Variants in MDGA2 observed in about 807,000 individuals in gnomAD.
MDGA2 encodes MAM domain containing glycosylphosphatidylinositol anchor 2.
Under a neutral mutation model 117.8 loss-of-function variants are expected in MDGA2, and 40 were observed. That is an observed-to-expected ratio of 0.34 (90% CI 0.26 to 0.44). The LOEUF (loss-of-function observed/expected upper bound fraction) is 0.44. Ranked by LOEUF, MDGA2 falls within the 20% of genes least tolerant of loss-of-function variation. The probability of loss-of-function intolerance (pLI) is 1.00; values close to 1 mark genes in which losing one functional copy is unlikely to be tolerated. For missense variants in MDGA2, 1,123 were observed against 1,250.6 expected (o/e 0.90, Z 1.54); for synonymous variants, 452 against 439.0 (o/e 1.03, Z -0.37).
At chr14:47,436,096 A>C (rs1048915309) in intron 1 of MDGA2, among the ~76,000 whole-genome samples, 1 of 152,078 alleles carries the variant, frequency 6.6e-6, no homozygotes, top group Non-Finnish European at 1.5e-5. Context: ...AGTAAAGTCC[A>C]TAGGTTATAG....
intron 1 of MDGA2, among the ~76,000 whole-genome samples, chr14:47,409,626 T>C (rs1242186430): frequency 1.3e-5 from 2 of 152,204 alleles, no homozygotes; most frequent in African/African-American, 4.8e-5. Flanking sequence ...AGAAGAGTTA[T>C]CTTTTATGAC....
At chr14:47,453,646 GA>G in intron 1 of MDGA2, among the ~76,000 whole-genome samples, 1 of 152,192 alleles carries the variant, frequency 6.6e-6, no homozygotes, top group Admixed American at 6.5e-5. Flanking sequence ...TACAAGGTTT[GA>G]AATCTCATAA....
At chr14:47,128,979 G>A (rs1051489770) in intron 5 of MDGA2, among the ~76,000 whole-genome samples, 10 of 151,946 alleles carry the variant, frequency 6.6e-5, no homozygotes, top group African/African-American at 7.3e-5. Context: ...GTGAGCCACC[G>A]TGCCCAGCCT....
At chr14:47,275,331 A>C (rs563925614) in intron 2 of MDGA2, among the ~76,000 whole-genome samples, 6 of 152,294 alleles carry the variant, frequency 3.9e-5, no homozygotes, top group African/African-American at 1.4e-4. Context: ...TAGATTTTCT[A>C]ATGTACGATG....
At chr14:47,242,680 C>T (rs1258515179) in intron 2 of MDGA2, among the ~76,000 whole-genome samples, 7 of 151,798 alleles carry the variant, frequency 4.6e-5, no homozygotes, top group South Asian at 2.1e-4. Flanking sequence ...TGCCTTCCCG[C>T]AGGGCAGTGC....
chr14:47,232,132 C>A (rs1357455759), intron 2 of MDGA2, among the ~76,000 whole-genome samples: 3 of 152,010 alleles, frequency 2.0e-5, no homozygotes, highest in Admixed American at 6.6e-5. Context: ...TCTAAGCTTG[C>A]AGACAGAGTT....
At chr14:47,347,236 C>G (rs1260781784) in intron 1 of MDGA2, among the ~76,000 whole-genome samples, 2 of 152,062 alleles carry the variant, frequency 1.3e-5, no homozygotes, top group African/African-American at 2.4e-5. Flanking sequence ...ATTCTAAAAG[C>G]AATCACACGT....
chr14:47,447,144 T>C (rs1443159852), intron 1 of MDGA2, among the ~76,000 whole-genome samples: 1 of 152,186 alleles, frequency 6.6e-6, no homozygotes, highest in East Asian at 1.9e-4. Context: ...ACATGCTAAA[T>C]ATCACCATTT....
chr14:46,929,089 T>C (rs1218477589), intron 9 of MDGA2, among the ~76,000 whole-genome samples: 2 of 152,198 alleles, frequency 1.3e-5, no homozygotes, highest in Non-Finnish European at 2.9e-5. Context: ...TTTCAGGATG[T>C]TACAGTTTGC....
intron 8 of MDGA2, among the ~76,000 whole-genome samples, chr14:47,009,856 T>A (rs1051595152): frequency 1.3e-5 from 2 of 152,080 alleles, no homozygotes; most frequent in Admixed American, 1.3e-4. Context: ...GCCTTTTCTA[T>A]CTTTAATTTT....
chr14:47,527,707 C>G (rs1426185192), intron 1 of MDGA2, among the ~76,000 whole-genome samples: 2 of 152,198 alleles, frequency 1.3e-5, no homozygotes, highest in African/African-American at 4.8e-5. Flanking sequence ...TAGAAATACC[C>G]TCTGCATTTG....
chr14:47,536,017 G>A (rs1293807052), intron 1 of MDGA2, among the ~76,000 whole-genome samples: 1 of 152,198 alleles, frequency 6.6e-6, no homozygotes, highest in Non-Finnish European at 1.5e-5. Context: ...GCAGAACCCA[G>A]GAGGGCAAGC....
At chr14:47,498,461 A>G (rs1207872228) in intron 1 of MDGA2, among the ~76,000 whole-genome samples, 1 of 152,132 alleles carries the variant, frequency 6.6e-6, no homozygotes, top group Non-Finnish European at 1.5e-5. Context: ...TTTTGCTGTT[A>G]GACTGTGCTA....
chr14:46,910,499 CA>C (rs141448142), intron 10 of MDGA2, among the ~76,000 whole-genome samples: 1,633 of 152,162 alleles, frequency 0.011, 34 homozygotes, highest in African/African-American at 0.037. Context: ...TAATAAGAGC[CA>C]TCTATGACAA....
chr14:47,320,676 T>C (rs1193781806), intron 1 of MDGA2, among the ~76,000 whole-genome samples: 1 of 152,106 alleles, frequency 6.6e-6, no homozygotes, highest in Non-Finnish European at 1.5e-5. Flanking sequence ...CAAATACTAA[T>C]AAAGAGAAAC....
intron 7 of MDGA2, among the ~76,000 whole-genome samples, chr14:47,057,010 T>C (rs551632836): frequency 3.2e-4 from 48 of 152,204 alleles, no homozygotes; most frequent in Admixed American, 1.4e-3. Context: ...TCTAGCCAGA[T>C]AAAATATAGC....
At chr14:47,623,447 T>A (rs145485173) in intron 1 of MDGA2, among the ~76,000 whole-genome samples, 221 of 152,318 alleles carry the variant, frequency 1.5e-3, no homozygotes, top group East Asian at 7.9e-3. Flanking sequence ...TAGATTTTTT[T>A]AAAAAATTAG....
chr14:47,165,297 C>A (rs1272115812), intron 3 of MDGA2, among the ~76,000 whole-genome samples: 1 of 152,096 alleles, frequency 6.6e-6, no homozygotes, highest in East Asian at 1.9e-4. Context: ...ATTAAAATAT[C>A]CAGTTCAATA....
At chr14:47,662,296 C>T (rs1566564065) in intron 1 of MDGA2, among the ~76,000 whole-genome samples, 1 of 151,334 alleles carries the variant, frequency 6.6e-6, no homozygotes, top group Admixed American at 6.6e-5. Context: ...CATAGTTAAT[C>T]GATTTCTGCT....
Sources: allele counts gnomAD v4.1 joint callset (sites outside exome capture counted in the v4.1 genomes callset), GRCh38; gene constraint gnomAD v4.1.1; transcripts MANE v1.5; gene names NCBI Gene and HGNC (gene_info 2026-07-23, HGNC 2026-07-21).